The following ACADS variants were observed in gnomAD, a reference collection of about 807,000 sequenced individuals.
The protein encoded by ACADS is short-chain specific acyl-CoA dehydrogenase, mitochondrial.
Under a neutral mutation model 46.8 loss-of-function variants are expected in ACADS, and 28 were observed. That is an observed-to-expected ratio of 0.60 (90% confidence interval 0.44 to 0.82). The LOEUF (loss-of-function observed/expected upper bound fraction) is 0.82. Ranked by LOEUF, ACADS falls within the 40% of genes least tolerant of loss-of-function variation. The pLI is 0.00. For synonymous variants in ACADS, 236 were observed against 237.7 expected, an observed-to-expected ratio of 0.99 and a Z score of 0.07; for missense variants, 528 against 578.0, an observed-to-expected ratio of 0.91 and a Z score of 0.89.
At chr12:120,732,222 G>C (rs540562883) in intron 2 of ACADS, among the ~76,000 whole-genome samples, 1 of 151,424 alleles carries the variant, frequency 6.6e-6, no homozygotes, top group African/African-American at 2.4e-5. Context: ...CCGGGCAGAG[G>C]CGCCCCTCAC....
chr12:120,739,122 CTG>C lies in ACADS; in HGVS notation c.1030-16_1030-15del. ...GGGTCCCCTCAAGGGAAGGCTCTGA[CTG>C]TACCCCCATGTTTAGGAGGCAGCCA... On this transcript the variant is annotated splice_polypyrimidine_tract_variant and intron_variant, in intron 8 of 9. Coordinates refer to ENST00000242592, the MANE Select transcript of ACADS (RefSeq NM_000017.4). The C allele has an allele frequency of 6.2e-7, 1 of 1,613,046 alleles. No individual in the cohort carries two copies. Among genetic ancestry groups the C allele is most frequent in the Non-Finnish European group, 8.5e-7 (1 of 1,179,994 alleles).
rs375767053 is a variant in ACADS, at chr12:120,738,925, G to A, written c.1029+10G>A. ...GAAGCCTTTCATCAAGGTGCCCACA[G>A]GGGTCCCCGAGCCATGGCCCAGAAT... On this transcript the variant is annotated intron_variant, in intron 8 of 9. Transcript: ENST00000242592. The A allele has an allele frequency of 1.9e-6, 3 of 1,613,222 alleles. No homozygotes were observed. In the African/African-American group the frequency reaches 4.0e-5, roughly 22 times the overall value.
intron 2 of ACADS, among the ~76,000 whole-genome samples, chr12:120,730,462 G>A (rs2136942081): frequency 6.6e-6 from 1 of 152,286 alleles, no homozygotes; most frequent in Middle Eastern, 3.4e-3. Flanking sequence ...GCGGCGCTGT[G>A]TAGGGAGGAG....
At chr12:120,737,786 T>G (rs1438287710) in intron 4 of ACADS, 51 bp from the exon 5 acceptor site, 2 of 1,611,358 alleles carry the variant, frequency 1.2e-6, no homozygotes, top group Non-Finnish European at 1.7e-6. Context: ...GCTGGTGCCC[T>G]TAGGTTGTGT....
chr12:120,739,321 G>T lies in ACADS; in HGVS notation c.1112G>T (p.Gly371Val), dbSNP rs796051905. ...GCCATCCAGATCCTGGGCGGCATGG[G>T]CTACGTGACAGAGATGCCGGCAGAG... ...HQAIQILGGM[G>V]YVTEMPAERH... Residue 371 changes from glycine to valine, a missense_variant, in exon 10 of 10, where the codon GGC (glycine) becomes GTC (valine). Gly to Val is a moderately radical substitution (Grantham distance 109). Transcript: ENST00000242592. The T allele has an allele frequency of 9.3e-6, 15 of 1,612,942 alleles. 1 individual carries two copies. The highest frequency in any genetic ancestry group is 3.3e-4 in the Middle Eastern group (2 of 6,082).
In ACADS at chr12:120,728,252, G is replaced by A. The variant is rs1287823217; in HGVS notation, c.210+1063G>A. ...GTGAGCCACCGTGCCCGGCCTGCTT[G>A]AACTGTTTTCTCCCCTGAGTTTCCC... On this transcript the variant is annotated intron_variant, in intron 2 of 9. Transcript: ENST00000242592. The surrounding 1 kb of genome is among the most constrained non-coding windows in gnomAD (Gnocchi z 4.0). Among the ~76,000 whole-genome samples, 1 of 151,178 alleles carries A rather than the reference G, an allele frequency of 6.6e-6. No homozygotes were observed. Among genetic ancestry groups the A allele is most frequent in the East Asian group, 2.0e-4 (1 of 5,068 alleles).
intron 1 of ACADS, among the ~76,000 whole-genome samples, 160 bp downstream of exon 1, chr12:120,726,091 C>G (rs958841896): frequency 6.6e-6 from 1 of 150,656 alleles, no homozygotes; most frequent in East Asian, 2.0e-4. Flanking sequence ...TTGCGCCGAC[C>G]CAGCCCGGCC....
chr12:120,734,407 T>C (rs1276964924), intron 2 of ACADS, among the ~76,000 whole-genome samples: 5 of 152,152 alleles, frequency 3.3e-5, no homozygotes, highest in African/African-American at 9.7e-5. Flanking sequence ...AGCTCAAGCC[T>C]CTCAGCACAC....
At chr12:120,736,751 C>T (rs935579788) in intron 2 of ACADS, among the ~76,000 whole-genome samples, 2 of 152,142 alleles carry the variant, frequency 1.3e-5, no homozygotes, top group Admixed American at 6.5e-5. Context: ...GTGGACGGAG[C>T]GGGGAGCAGG....
In ACADS at chr12:120,739,559, G is replaced by A; in HGVS notation, c.*111G>A. ...CGGCGGGGGCTCCCTGGGGACCCCA[G>A]ATGGGCTCAGTGCTGCCACCCAGAT... is the stretch of plus-strand genomic sequence containing the variant. On this transcript the variant is annotated 3_prime_UTR_variant, in exon 10 of 10. Coordinates refer to ENST00000242592, the MANE Select transcript of ACADS (RefSeq NM_000017.4). 1 of 1,310,782 alleles carries A rather than the reference G, an allele frequency of 7.6e-7. No homozygotes were observed. The highest frequency in any genetic ancestry group is 1.1e-6 in the Non-Finnish European group (1 of 951,108). The allele number at this position is 1,310,782 out of a possible 1,614,324, so 81.2% of individuals were successfully genotyped here. A position where few individuals can be genotyped will look rare whatever the true frequency, so the allele number is the denominator to read the frequency against.
rs368500899 is a variant in ACADS at position 120,737,455 on chromosome 12, C to A, written c.460C>A (p.Leu154Ile). 2 of 1,613,946 alleles carry A rather than the reference C, an allele frequency of 1.2e-6. No individual in the cohort carries two copies. Among genetic ancestry groups the A allele is most frequent in the South Asian group, 2.2e-5 (2 of 91,082 alleles). ...TSGDKIGCFA[L>I]SEPGNGSDAG... ...TGGTGACAAAATTGGCTGCTTTGCC[C>A]TCAGCGAACCAGGTACCTGCCCTGT... Residue 154 changes from leucine (L) to isoleucine (I), a missense_variant, in exon 4 of 10, where the codon CTC (leucine) becomes ATC (isoleucine). Transcript: ENST00000242592.
At chr12:120,738,103 G>C (rs554484866) in intron 5 of ACADS, 115 bp downstream of exon 5, 1 of 1,573,872 alleles carries the variant, frequency 6.4e-7, no homozygotes, top group Non-Finnish European at 8.6e-7. Context: ...CAAGTGGGCT[G>C]TCCCTGTCCC....
At chr12:120,737,546 C>T in intron 4 of ACADS, 79 bp downstream of exon 4, 1 of 1,353,840 alleles carries the variant, frequency 7.4e-7, no homozygotes, top group Non-Finnish European at 1.0e-6. Context: ...GCCAACTGCC[C>T]ACTGCTTCGG....
chr12:120,725,866 TG>T lies in ACADS; in HGVS notation c.-17del. ...GCTCGCAGCGGGAGGTCGCGAAGCC[TG>T]GGACTGTGTCTGTCGCCCATGGCCG... On this transcript the variant is annotated 5_prime_UTR_variant, in exon 1 of 10. Transcript: ENST00000242592. 2 of 1,544,502 alleles carry T rather than the reference TG, an allele frequency of 1.3e-6. No individual in the cohort carries two copies. Among genetic ancestry groups the T allele is most frequent in the Non-Finnish European group, 1.7e-6 (2 of 1,153,494 alleles).
At position 120,739,141 on chromosome 12, in the gene ACADS, A is replaced by G. The variant is rs387906950; in HGVS notation, c.1031A>G (p.Glu344Gly). 81 of 1,612,972 alleles carry G rather than the reference A, an allele frequency of 5.0e-5. No individual in the cohort carries two copies. The East Asian group carries it at 1.8e-3, about 36-fold the overall frequency. The change falls in exon 9 of 10, where the codon GAG becomes GGG. Residue 344 changes from glutamate to glycine, a missense_variant and splice_region_variant. Glu to Gly is a moderately conservative substitution (Grantham distance 98). Coordinates refer to ENST00000242592, the MANE Select transcript of ACADS (RefSeq NM_000017.4). ...LKDNKKPFIK[E>G]AAMAKLAASE... ...CTCTGACTGTACCCCCATGTTTAGG[A>G]GGCAGCCATGGCCAAGCTGGCCGCC...
At position 120,738,578 on chromosome 12, in the gene ACADS, G is replaced by A. The variant is rs1192865643; in HGVS notation, c.841G>A (p.Gly281Ser). The part of the protein sequence containing the change: ...GRIGIASQAL[G>S]IAQTALDCAV... ...CATCGGCATCGCCTCCCAGGCCCTG[G>A]GCATTGCCCAGACCGCCCTCGATTG... The change falls in exon 7 of 10, where the codon GGC becomes AGC. Residue 281 changes from glycine to serine, a missense_variant. Physicochemically the swap from Gly to Ser is moderately conservative, Grantham distance 56. Coordinates refer to ENST00000242592, the MANE Select transcript of ACADS (RefSeq NM_000017.4). 1.2e-6 allele frequency: 2 copies of A among 1,612,666 alleles called. No individual in the cohort carries two copies. Among genetic ancestry groups the A allele is most frequent in the Non-Finnish European group, 1.7e-6 (2 of 1,180,014 alleles).
At position 120,736,980 on chromosome 12, in the gene ACADS, G is replaced by T; in HGVS notation, c.211-6G>T. 1 of 1,603,894 alleles carries T rather than the reference G, an allele frequency of 6.2e-7. No individual in the cohort carries two copies. Among genetic ancestry groups the T allele is most frequent in the South Asian group, 1.1e-5 (1 of 89,210 alleles). ...CCCATGGCGTGCCGTCCTTCCCTGTGCCCAGGTGAAGAAGATGGGCGGGCT... is the reference window on the plus strand; with the variant it reads ...CCCATGGCGTGCCGTCCTTCCCTGTTCCCAGGTGAAGAAGATGGGCGGGCT... On this transcript the variant is annotated splice_region_variant and splice_polypyrimidine_tract_variant and intron_variant, in intron 2 of 9. Coordinates refer to ENST00000242592, the MANE Select transcript of ACADS (RefSeq NM_000017.4).
intron 2 of ACADS, among the ~76,000 whole-genome samples, chr12:120,733,101 A>C (rs928593350): frequency 1.3e-5 from 2 of 152,266 alleles, no homozygotes; most frequent in African/African-American, 2.4e-5. Flanking sequence ...GCGCGCCTGC[A>C]ATCGCAGGCA....
At chr12:120,738,487 G>A in intron 6 of ACADS, 37 bp downstream of exon 6, 2 of 1,605,958 alleles carry the variant, frequency 1.2e-6, no homozygotes, top group Non-Finnish European at 1.7e-6. Context: ...TTGAGGCCAG[G>A]CCCGCGCCCC....
Sources: gnomAD v4.1 joint callset for allele counts (sites outside exome capture counted in the v4.1 genomes callset) on GRCh38, gnomAD v4.1.1 for gene constraint, Gnocchi (gnomAD v3.1) non-coding constraint, MANE v1.5 for transcripts, NCBI Gene and HGNC (gene_info 2026-07-23, HGNC 2026-07-21) for gene names.